FCMR: variants seen among roughly 807,000 people sequenced by gnomAD.
FCMR encodes the protein Fc mu receptor, also known as immunoglobulin mu Fc receptor.
Under a neutral mutation model 41.6 loss-of-function variants are expected in FCMR, and 34 were observed. The ratio of observed to expected loss-of-function variants is 0.82; its 90% CI spans 0.62 to 1.09. The LOEUF (loss-of-function observed/expected upper bound fraction) is 1.09. Ranked by LOEUF, FCMR falls within the 50% of genes least tolerant of loss-of-function variation. The pLI, the probability that FCMR is intolerant of heterozygous loss-of-function variation, is 0.00. For synonymous variants in FCMR, 209 were observed against 211.8 expected, an observed-to-expected ratio of 0.99 and a Z score of 0.12; for missense variants, 496 against 512.5, an observed-to-expected ratio of 0.97 and a Z score of 0.31.
At chr1:206,912,700 T>A (rs1678996151) in intron 3 of FCMR, among the ~76,000 whole-genome samples, 1 of 152,206 alleles carries the variant, frequency 6.6e-6, no homozygotes, top group African/African-American at 2.4e-5. Context: ...GGTGGTAATA[T>A]GTAAGTTCTG....
intron 1 of FCMR, among the ~76,000 whole-genome samples, chr1:206,916,381 T>TG (rs1033836068): frequency 5.9e-5 from 9 of 152,254 alleles, no homozygotes; most frequent in African/African-American, 2.2e-4. Flanking sequence ...GGGGTGTGAA[T>TG]GCCACTTTCC....
At chr1:206,910,901 T>TGC (rs1558001278) in intron 4 of FCMR, among the ~76,000 whole-genome samples, 1 of 152,194 alleles carries the variant, frequency 6.6e-6, no homozygotes, top group Admixed American at 6.5e-5. Context: ...TGTGTGTGTG[T>TGC]GCGCTTTGGG....
Position 206,911,911 on chromosome 1 carries a change from G to A in FCMR, c.529C>T (p.His177Tyr), listed in dbSNP as rs747239800. 5 of 1,606,050 alleles carry A rather than the reference G, an allele frequency of 3.1e-6. No homozygotes were observed. In the South Asian group the frequency reaches 5.6e-5, roughly 18 times the overall value. Residue 177 changes from histidine to tyrosine, a missense_variant, in exon 4 of 8, where the codon CAC (histidine) becomes TAC (tyrosine). Physicochemically the swap from His to Tyr is moderately conservative, Grantham distance 83. Coordinates refer to ENST00000367091, the MANE Select transcript of FCMR (RefSeq NM_005449.5). ...AQRGKVPPVH[H>Y]SSPTTQITHR... ...GTGATTTGGGTGGTGGGGGAGGAGT[G>A]GTGAACTGGAGGGACCTTGCCCCTT...
chr1:206,914,066 T>A lies in FCMR; in HGVS notation c.66A>T (p.Glu22Asp). The A allele has an allele frequency of 9.3e-6, 15 of 1,614,014 alleles. No individual in the cohort carries two copies. Among genetic ancestry groups the A allele is most frequent in the Non-Finnish European group, 1.3e-5 (15 of 1,179,916 alleles). ...CGCCCAGCTCCCCCTCTACCTTTAC[T>A]TCTGGGAGGATCCTCAGGGCCCCCG... ...PVSGALRILPEVKVEGELGGS... is the reference protein window; with the variant it reads ...PVSGALRILPDVKVEGELGGS... Residue 22 changes from glutamate (E) to aspartate (D), a missense_variant, in exon 2 of 8, where the codon GAA becomes GAT. Transcript: ENST00000367091.
chr1:206,915,951 C>T (rs373573750), intron 1 of FCMR, among the ~76,000 whole-genome samples: 8 of 136,096 alleles, frequency 5.9e-5, no homozygotes, highest in South Asian at 2.3e-4. Flanking sequence ...ATTCTGACAA[C>T]GGTAGAGAGG....
chr1:206,911,776 G>A lies in FCMR; in HGVS notation c.664C>T (p.Pro222Ser). 6.2e-7 allele frequency: 1 copy of A among 1,611,512 alleles called. No individual in the cohort carries two copies. The highest frequency in any genetic ancestry group is 8.5e-7 in the Non-Finnish European group (1 of 1,179,260). The change falls in exon 4 of 8, where the codon CCC (proline) becomes TCC (serine). Residue 222 changes from proline (P) to serine (S), a missense_variant. By Grantham distance (74) the Pro-to-Ser change is moderately conservative. Transcript: ENST00000367091. Reference sequence around the variant, plus strand: ...TGGTGGTTGTAGCTGGGCGTCTGGGGCTTGAGCAGCCCCTCCAGAGCTGAG... The same window carrying A: ...TGGTGGTTGTAGCTGGGCGTCTGGGACTTGAGCAGCCCCTCCAGAGCTGAG... The part of the protein sequence containing the change: ...KISALEGLLK[P>S]QTPSYNHHTR...
intron 1 of FCMR, 128 bp downstream of exon 1, chr1:206,921,690 G>T: frequency 1.2e-6 from 1 of 855,296 alleles, no homozygotes; most frequent in Non-Finnish European, 1.9e-6. Context: ...TTCTTGTCCT[G>T]CCCTAGGTGT....
In FCMR at chr1:206,910,276, T is replaced by C. The variant is rs1259949045; in HGVS notation, c.775A>G (p.Ile259Val). 2 of 1,580,336 alleles carry C rather than the reference T, an allele frequency of 1.3e-6. No homozygotes were observed. Among genetic ancestry groups the C allele is most frequent in the Non-Finnish European group, 1.7e-6 (2 of 1,163,138 alleles). Residue 259 changes from isoleucine (I) to valine (V), a missense_variant, in exon 5 of 8, where the codon ATC becomes GTC. Coordinates refer to ENST00000367091, the MANE Select transcript of FCMR (RefSeq NM_005449.5). ...AGTGCCAGCAGGAAAAGGCCCAGGA[T>C]GGTCGGGATCAGGATGTGAAATCCT... ...GQGFHILIPT[I>V]LGLFLLALLG... is the part of the protein sequence containing the mutation.
At chr1:206,907,888 G>C in intron 7 of FCMR, 1 of 1,282,358 alleles carries the variant, frequency 7.8e-7, no homozygotes, top group Non-Finnish European at 1.1e-6. Context: ...GCTGCCCCAA[G>C]AGACCAAGTG....
intron 1 of FCMR, among the ~76,000 whole-genome samples, chr1:206,916,787 T>C (rs753508781): frequency 4.6e-5 from 7 of 152,176 alleles, no homozygotes; most frequent in Non-Finnish European, 7.3e-5. Context: ...TCTGAGGAGA[T>C]TGGCTACGAT....
At position 206,909,751 on chromosome 1, in the gene FCMR, C is replaced by A. The variant is rs946541423; in HGVS notation, c.959G>T (p.Arg320Leu). The A allele has an allele frequency of 6.8e-7, 1 of 1,462,598 alleles. No individual in the cohort carries two copies. Among genetic ancestry groups the A allele is most frequent in the Non-Finnish European group, 9.0e-7 (1 of 1,117,146 alleles). The allele number at this position is 1,462,598 out of a possible 1,614,324, so 90.6% of individuals were successfully genotyped here. The change falls in exon 6 of 8, where the codon CGG becomes CTG. Residue 320 changes from arginine (R) to leucine (L), a missense_variant. Coordinates refer to ENST00000367091, the MANE Select transcript of FCMR (RefSeq NM_005449.5). This position sits in a 1 kb window ranked among gnomAD's most constrained non-coding sequence, Gnocchi z 5.0. ...TGCAGCGTCCGCTCCACGAGCGCGC[C>A]GCGGGCAGGCGCTGTAGATGTTGTT... ...SQNNIYSACP[R>L]RARGADAAGT... is the part of the protein sequence containing the mutation.
chr1:206,908,443 A>C (rs1193861254), intron 7 of FCMR, among the ~76,000 whole-genome samples: 1 of 152,174 alleles, frequency 6.6e-6, no homozygotes, highest in Non-Finnish European at 1.5e-5. Context: ...TTTATCTATG[A>C]CCAATAGGAA....
chr1:206,920,293 A>G (rs985590432), intron 1 of FCMR, among the ~76,000 whole-genome samples: 10 of 152,122 alleles, frequency 6.6e-5, no homozygotes, highest in African/African-American at 2.4e-4. Context: ...CGTCTCTACT[A>G]AAAATACAAA....
chr1:206,905,448 C>T lies in FCMR; in HGVS notation c.1045-301G>A, dbSNP rs185848703. Among the ~76,000 whole-genome samples the T allele has an allele frequency of 3.1e-4, 47 of 152,242 alleles. No individual in the cohort carries two copies. In the East Asian group the frequency reaches 7.7e-3, roughly 25 times the overall value. On this transcript the variant is annotated intron_variant, in intron 7 of 7. Coordinates refer to ENST00000367091, the MANE Select transcript of FCMR (RefSeq NM_005449.5). ...CCCAGCTGCCAGAGGAGTATCCCCT[C>T]GGGGATAAGATGCTGTGACTTATGG... is the stretch of plus-strand genomic sequence containing the variant.
At chr1:206,917,755 T>C (rs930932373) in intron 1 of FCMR, 3 of 449,718 alleles carry the variant, frequency 6.7e-6, no homozygotes, top group East Asian at 7.0e-5. Context: ...GCCTCCTGAA[T>C]AGCTGAGATC....
chr1:206,912,431 C>A (rs1678982460), intron 3 of FCMR, among the ~76,000 whole-genome samples: 1 of 152,212 alleles, frequency 6.6e-6, no homozygotes, highest in Non-Finnish European at 1.5e-5. Flanking sequence ...GGAAATATTG[C>A]ATGTCAAAAT....
At chr1:206,920,428 C>T (rs1161714646) in intron 1 of FCMR, among the ~76,000 whole-genome samples, 5 of 131,828 alleles carry the variant, frequency 3.8e-5, no homozygotes, top group Admixed American at 1.7e-4. Flanking sequence ...GCACTCCAGT[C>T]GGGGCAACAG....
At chr1:206,906,060 T>C (rs940213892) in intron 7 of FCMR, 3 of 306,578 alleles carry the variant, frequency 9.8e-6, no homozygotes, top group Middle Eastern at 1.2e-3. Flanking sequence ...TCAGTGAGGA[T>C]GAAACTCAGT....
chr1:206,904,720 C>G lies in FCMR; in HGVS notation c.*299G>C, dbSNP rs564102461. 2.8e-6 allele frequency: 1 copy of G among 356,194 alleles called. No homozygotes were observed. The highest frequency in any genetic ancestry group is 2.8e-5 in the South Asian group (1 of 35,892). The allele number at this position is 356,194 out of a possible 1,614,324, so 22.1% of individuals were successfully genotyped here. ...CCTGTGGTCAAAGACATGGAAGAAA[C>G]ACTCTGCAAATCCCACAGTCTGTTC... On this transcript the variant is annotated 3_prime_UTR_variant, in exon 8 of 8. Transcript: ENST00000367091.
Sources: gnomAD v4.1 joint callset for allele counts (sites outside exome capture counted in the v4.1 genomes callset) on GRCh38, gnomAD v4.1.1 for gene constraint, Gnocchi (gnomAD v3.1) non-coding constraint, MANE v1.5 for transcripts, NCBI Gene and HGNC (gene_info 2026-07-23, HGNC 2026-07-21) for gene names.